Variants in SCIN observed in about 807,000 individuals in gnomAD.
SCIN encodes the protein scinderin, also known as adseverin.
In SCIN, 91 loss-of-function variants were observed where a neutral mutation model predicts 91.8. The observed-to-expected ratio is 0.99, with a 90% CI of 0.84 to 1.18. SCIN has a LOEUF of 1.18. SCIN is among the 50% of genes most tolerant of loss of function. The pLI is 0.00. For synonymous variants in SCIN, 367 were observed against 312.6 expected (o/e 1.17, Z -1.84); for missense variants, 1,087 against 863.9 (o/e 1.26, Z -3.24).
intron 3 of SCIN, among the ~76,000 whole-genome samples, chr7:12,601,747 A>AT (rs960311968): frequency 6.6e-6 from 1 of 152,144 alleles, no homozygotes; most frequent in African/African-American, 2.4e-5. Context: ...ACTGTTTATC[A>AT]TTTTTTTGTG....
At chr7:12,638,935 T>C (rs1363410715) in intron 10 of SCIN, among the ~76,000 whole-genome samples, 1 of 152,230 alleles carries the variant, frequency 6.6e-6, no homozygotes, top group African/African-American at 2.4e-5. Flanking sequence ...GTCTTACATA[T>C]TTCATATTTC....
At position 12,578,219 on chromosome 7, in the gene SCIN, G is replaced by A. The variant is rs933271268; in HGVS notation, c.354+1G>A. On this transcript the variant is annotated splice_donor_variant, in intron 2 of 15. Transcript: ENST00000297029. LOFTEE classifies it high-confidence loss of function. Reference sequence around the variant, plus strand: ...TTTCAAAGGCGGTCTGAAATACAAGGTAAGCAGCTCCCTCAGTTTCCATTA... The same window carrying A: ...TTTCAAAGGCGGTCTGAAATACAAGATAAGCAGCTCCCTCAGTTTCCATTA... 1.2e-5 allele frequency: 18 copies of A among 1,544,234 alleles called. No individual in the cohort carries two copies. The highest frequency in any genetic ancestry group is 2.0e-5 in the Admixed American group (1 of 49,834).
intron 10 of SCIN, among the ~76,000 whole-genome samples, chr7:12,638,565 A>C (rs1783798257): frequency 6.6e-6 from 1 of 152,194 alleles, no homozygotes; most frequent in Non-Finnish European, 1.5e-5. Flanking sequence ...ATGGTACAAA[A>C]GGGTTTTTCT....
At chr7:12,638,717 T>C (rs1363519674) in intron 10 of SCIN, among the ~76,000 whole-genome samples, 2 of 152,226 alleles carry the variant, frequency 1.3e-5, no homozygotes, top group Admixed American at 1.3e-4. Flanking sequence ...CTCCTTTCCA[T>C]CTTGATACAA....
intron 3 of SCIN, among the ~76,000 whole-genome samples, chr7:12,592,249 G>A (rs1034312044): frequency 6.6e-6 from 1 of 152,116 alleles, no homozygotes; most frequent in Non-Finnish European, 1.5e-5. Context: ...GTGGATAGGG[G>A]TTATGGACTA....
chr7:12,578,909 G>GTTTTTTTTTTTTTTTTTTTTTTTTTTT lies in SCIN; in HGVS notation c.354+706_354+707insTTTTTTTTTTTTTTTTTTTTTTTTTTT. On this transcript the variant is annotated intron_variant, in intron 2 of 15. Transcript: ENST00000297029. ...TAAGGCAGCCTTCAGTATAGGACAG[G>GTTTTTTTTTTTTTTTTTTTTTTTTTTT]TTTTTTTTTTTTTTTGGCATCCTCC... Among the ~76,000 whole-genome samples, 129 of 85,856 alleles carry GTTTTTTTTTTTTTTTTTTTTTTTTTTT rather than the reference G, an allele frequency of 1.5e-3. 19 individuals carry two copies. Among genetic ancestry groups the GTTTTTTTTTTTTTTTTTTTTTTTTTTT allele is most frequent in the African/African-American group, 4.8e-3 (94 of 19,400 alleles). The allele number at this position is 85,856 out of a possible 152,430, so 56.3% of individuals were successfully genotyped here. A position where few individuals can be genotyped will look rare whatever the true frequency, so the allele number is the denominator to read the frequency against.
chr7:12,617,040 G>T (rs1374192417), intron 4 of SCIN, among the ~76,000 whole-genome samples: 1 of 152,120 alleles, frequency 6.6e-6, no homozygotes, highest in Non-Finnish European at 1.5e-5. Context: ...CATTAGATCA[G>T]TACGTGAACA....
chr7:12,618,296 G>T (rs562742127), intron 4 of SCIN, among the ~76,000 whole-genome samples: 1 of 152,126 alleles, frequency 6.6e-6, no homozygotes, highest in Non-Finnish European at 1.5e-5. Flanking sequence ...GCAAAGATGT[G>T]GAATATTTCA....
In SCIN at chr7:12,658,288, G is replaced by A. The variant is rs993214081; in HGVS notation, c.*5573G>A. The A allele has an allele frequency of 1.3e-5, 2 of 152,142 alleles. No individual in the cohort carries two copies. Among genetic ancestry groups the A allele is most frequent in the Non-Finnish European group, 2.9e-5 (2 of 68,040 alleles). The allele number at this position is 152,142 out of a possible 1,614,324, so 9.4% of individuals were successfully genotyped here. A position where few individuals can be genotyped will look rare whatever the true frequency, so the allele number is the denominator to read the frequency against. ...TATTTTGCCAGATCTCACCTCCCAG[G>A]GAACTGATGAGCTTTAACTGGAATA... On this transcript the variant is annotated 3_prime_UTR_variant, in exon 16 of 16. Coordinates refer to ENST00000297029, the MANE Select transcript of SCIN (RefSeq NM_001112706.3).
rs1156736394 is a variant in SCIN, at chr7:12,570,969, C to G, written c.183C>G (p.His61Gln). The change falls in exon 1 of 16, where the codon CAC becomes CAG. Residue 61 changes from histidine to glutamine, a missense_variant. Physicochemically the swap from His to Gln is conservative, Grantham distance 24 (BLOSUM62 0). Coordinates refer to ENST00000297029, the MANE Select transcript of SCIN (RefSeq NM_001112706.3). ...AGACGAGCCGAGGCTTCACCTACCA[C>G]CTGCACTTCTGGCTCGGTAAGGGAC... ...TAKTSRGFTYHLHFWLGKECS... is the reference protein window; with the variant it reads ...TAKTSRGFTYQLHFWLGKECS... 6.4e-7 allele frequency: 1 copy of G among 1,550,664 alleles called. No homozygotes were observed. The highest frequency in any genetic ancestry group is 2.0e-5 in the Admixed American group (1 of 50,956).
At chr7:12,629,787 G>A (rs1465658368) in intron 9 of SCIN, among the ~76,000 whole-genome samples, 1 of 152,074 alleles carries the variant, frequency 6.6e-6, no homozygotes, top group Non-Finnish European at 1.5e-5. Flanking sequence ...CCAATGCCCT[G>A]CTCAAGGAGG....
chr7:12,606,124 C>T (rs111997770), intron 4 of SCIN, among the ~76,000 whole-genome samples: 6 of 152,292 alleles, frequency 3.9e-5, no homozygotes, highest in South Asian at 2.1e-4. Context: ...TGTACTCCTG[C>T]GATGCGCCAG....
At chr7:12,641,245 C>T (rs1783852273) in intron 11 of SCIN, among the ~76,000 whole-genome samples, 1 of 152,116 alleles carries the variant, frequency 6.6e-6, no homozygotes. Context: ...TTGGTCATCT[C>T]ATCCCTCCAC....
chr7:12,612,263 T>C (rs1783207641), intron 4 of SCIN, among the ~76,000 whole-genome samples: 1 of 152,192 alleles, frequency 6.6e-6, no homozygotes, highest in African/African-American at 2.4e-5. Flanking sequence ...ATCAAGTGTT[T>C]GTCGTTTGAT....
At chr7:12,612,270 T>C (rs1478888657) in intron 4 of SCIN, among the ~76,000 whole-genome samples, 2 of 152,204 alleles carry the variant, frequency 1.3e-5, no homozygotes, top group Non-Finnish European at 2.9e-5. Context: ...GTTTGTCGTT[T>C]GATTGAAATA....
chr7:12,587,422 T>C (rs1445068316), intron 3 of SCIN, among the ~76,000 whole-genome samples: 1 of 152,240 alleles, frequency 6.6e-6, no homozygotes, highest in African/African-American at 2.4e-5. Context: ...ATAACCTTCG[T>C]TGAGGTGTAG....
chr7:12,587,651 C>T (rs1294693660), intron 3 of SCIN, among the ~76,000 whole-genome samples: 1 of 152,176 alleles, frequency 6.6e-6, no homozygotes, highest in African/African-American at 2.4e-5. Flanking sequence ...CTCATCGTAC[C>T]AGTGCCCCTT....
intron 3 of SCIN, chr7:12,588,839 A>AGGGGGGGGGGGGGGGGGGGGGGGGGGGG (rs1562599677): frequency 3.5e-4 from 1 of 2,818 alleles, no homozygotes; most frequent in Admixed American, 2.6e-3. Flanking sequence ...GCGGGTGGGA[A>AGGGGGGGGGGGGGGGGGGGGGGGGGGGG]GGGGGAGGGG....
chr7:12,576,398 C>G (rs1782373307), intron 1 of SCIN, among the ~76,000 whole-genome samples: 1 of 150,550 alleles, frequency 6.6e-6, no homozygotes, highest in Non-Finnish European at 1.5e-5. Context: ...TCAGAAGATA[C>G]TTGGTATATG....
Sources: allele counts gnomAD v4.1 joint callset (sites outside exome capture counted in the v4.1 genomes callset), GRCh38; gene constraint gnomAD v4.1.1; transcripts MANE v1.5; gene names NCBI Gene and HGNC (gene_info 2026-07-23, HGNC 2026-07-21).